Variants in PRKRA observed in about 807,000 individuals in gnomAD.
PRKRA encodes interferon-inducible double-stranded RNA-dependent protein kinase activator A.
Under a neutral mutation model 32.4 loss-of-function variants are expected in PRKRA, and 22 were observed. That is an observed-to-expected ratio of 0.68 (90% CI 0.49 to 0.97). The LOEUF (loss-of-function observed/expected upper bound fraction) is 0.97, where lower values mean the gene tolerates loss of function less well. Among genes scored for constraint, PRKRA ranks in the 50% least tolerant of loss-of-function variants. The pLI is 0.00. For synonymous variants in PRKRA, 139 were observed against 129.8 expected (o/e 1.07, Z -0.48); for missense variants, 319 against 375.6 (o/e 0.85, Z 1.25).
At chr2:178,438,033 C>T (rs1696971097) in intron 6 of PRKRA, among the ~76,000 whole-genome samples, 1 of 152,108 alleles carries the variant, frequency 6.6e-6, no homozygotes, top group African/African-American at 2.4e-5. Flanking sequence ...AAAGGTAGTA[C>T]TGAAAACAGT....
intron 5 of PRKRA, 80 bp from the exon 6 acceptor site, chr2:178,441,784 G>A: frequency 1.1e-6 from 1 of 913,260 alleles, no homozygotes; most frequent in Non-Finnish European, 1.6e-6. Flanking sequence ...GAAGTACTGT[G>A]TTTAATCAGA....
chr2:178,441,617 A>G lies in PRKRA; in HGVS notation c.602T>C (p.Ile201Thr). The G allele has an allele frequency of 6.3e-7, 1 of 1,593,082 alleles. No homozygotes were observed. Among genetic ancestry groups the G allele is most frequent in the South Asian group, 1.1e-5 (1 of 90,564 alleles). ...GCTGTCAACATTACTCACTAAAGAA[A>G]TGTGGTTCTCTGGAGAAATATTACT... Reference protein sequence around the residue: ...KFSNISPENHISLTNVVGHSL... With the variant: ...KFSNISPENHTSLTNVVGHSL... Residue 201 changes from isoleucine to threonine, a missense_variant, in exon 6 of 8, where the codon ATT (isoleucine) becomes ACT (threonine). Physicochemically the swap from Ile to Thr is moderately conservative, Grantham distance 89. Coordinates refer to ENST00000325748, the MANE Select transcript of PRKRA (RefSeq NM_003690.5).
At chr2:178,450,721 G>C (rs1179498408) in intron 1 of PRKRA, 22 of 1,377,648 alleles carry the variant, frequency 1.6e-5, no homozygotes, top group African/African-American at 3.0e-5. Flanking sequence ...ATCCCTTCCC[G>C]GGCGCGCCGA....
At chr2:178,435,847 T>C (rs1696870234) in intron 7 of PRKRA, among the ~76,000 whole-genome samples, 1 of 152,252 alleles carries the variant, frequency 6.6e-6, no homozygotes, top group Admixed American at 6.5e-5. Context: ...AGAGTTAGTC[T>C]GAGGATTCAG....
At chr2:178,435,358 G>A (rs916541075) in intron 7 of PRKRA, among the ~76,000 whole-genome samples, 2 of 142,454 alleles carry the variant, frequency 1.4e-5, no homozygotes, top group African/African-American at 5.3e-5. Context: ...ACTCCAGCCT[G>A]GGCAACAGAA....
chr2:178,450,958 A>C lies in PRKRA; in HGVS notation c.65+8T>G. The C allele has an allele frequency of 1.3e-6, 1 of 771,838 alleles. No individual in the cohort carries two copies. Among genetic ancestry groups the C allele is most frequent in the Non-Finnish European group, 1.8e-6 (1 of 554,206 alleles). 47.8% of individuals were successfully genotyped at this position (771,838 alleles called of 1,614,324 possible). On this transcript the variant is annotated splice_region_variant and intron_variant, in intron 1 of 7. Transcript: ENST00000325748. ...CGGCCCTGGGGCCCTGACTGCCCGC[A>C]CGCTGACCTGAAGGTCCCACTGTCC... is the stretch of plus-strand genomic sequence containing the variant.
At position 178,442,570 on chromosome 2, in the gene PRKRA, C is replaced by T. The variant is rs149760760; in HGVS notation, c.514+697G>A. 8.9e-4 allele frequency among the ~76,000 whole-genome samples: 136 copies of T among 152,304 alleles called. 1 individual carries two copies. The highest frequency in any genetic ancestry group is 1.1e-3 in the Non-Finnish European group (77 of 68,028). ...GCTTAACTTCGCGAATCAAGGACTG[C>T]ATCAAGGACGGAAGCTGAGGTTCCT... On this transcript the variant is annotated intron_variant, in intron 5 of 7. Transcript: ENST00000325748.
At chr2:178,435,914 T>G (rs1309190034) in intron 7 of PRKRA, among the ~76,000 whole-genome samples, 1 of 152,242 alleles carries the variant, frequency 6.6e-6, no homozygotes, top group Non-Finnish European at 1.5e-5. Flanking sequence ...ACTCTATCTT[T>G]GCTATTGTTG....
At chr2:178,443,455 T>A (rs1028277825) in intron 4 of PRKRA, 71 bp from the exon 5 acceptor site, 1 of 707,216 alleles carries the variant, frequency 1.4e-6, no homozygotes, top group Non-Finnish European at 2.2e-6. Context: ...TTTTCTTAAT[T>A]TTGATCCCAT....
At chr2:178,450,669 G>C in intron 1 of PRKRA, 4 of 1,425,778 alleles carry the variant, frequency 2.8e-6, no homozygotes, top group South Asian at 1.5e-5. Flanking sequence ...CAACAGAACA[G>C]GGCTGGCAGC....
In PRKRA at chr2:178,436,265, G is replaced by A. The variant is rs770225137; in HGVS notation, c.664C>T (p.Pro222Ser). 8 of 1,613,842 alleles carry A rather than the reference G, an allele frequency of 5.0e-6. No individual in the cohort carries two copies. Among genetic ancestry groups the A allele is most frequent in the Middle Eastern group, 1.7e-4 (1 of 6,058 alleles). The change falls in exon 7 of 8, where the codon CCT becomes TCT. Residue 222 changes from proline (P) to serine (S), a missense_variant. By Grantham distance (74) the Pro-to-Ser change is moderately conservative. Coordinates refer to ENST00000325748, the MANE Select transcript of PRKRA (RefSeq NM_003690.5). ...GCTWHSLRNS[P>S]GEKINLLKRS... ...TTCAGTAAGTTGATCTTTTCACCAG[G>A]AGAATTCCTCAAGGAATGCCAAGTA...
Position 178,431,999 on chromosome 2 carries a change from A to G in PRKRA, c.*98T>C. The G allele has an allele frequency of 1.5e-6, 2 of 1,362,962 alleles. No individual in the cohort carries two copies. Among genetic ancestry groups the G allele is most frequent in the Non-Finnish European group, 2.1e-6 (2 of 971,534 alleles). 84.4% of individuals were successfully genotyped at this position (1,362,962 alleles called of 1,614,324 possible). A position where few individuals can be genotyped will look rare whatever the true frequency, so the allele number is the denominator to read the frequency against. ...TGATGGAATCTATGAAGAGATTTAG[A>G]AACAAGACATAAACACTACGGTAAA... On this transcript the variant is annotated 3_prime_UTR_variant, in exon 8 of 8. Coordinates refer to ENST00000325748, the MANE Select transcript of PRKRA (RefSeq NM_003690.5).
intron 5 of PRKRA, 135 bp downstream of exon 5, chr2:178,443,132 A>G: frequency 1.5e-6 from 1 of 662,544 alleles, no homozygotes; most frequent in South Asian, 1.7e-5. Context: ...TCAACCTCAG[A>G]AAGTCAGAGA....
At position 178,450,249 on chromosome 2, in the gene PRKRA, G is replaced by C. The variant is rs1330671574; in HGVS notation, c.228C>G (p.Thr76=). 5 of 1,614,260 alleles carry C rather than the reference G, an allele frequency of 3.1e-6. No individual in the cohort carries two copies. The highest frequency in any genetic ancestry group is 4.2e-6 in the Non-Finnish European group (5 of 1,180,042). ...FTFRVTVGDI[T]CTGEGTSKKL... ...TTAACTGTGTATACAGACCTGTGCA[G>C]GTTATGTCACCAACGGTTACTCTGA... is the stretch of plus-strand genomic sequence containing the variant. The change falls in exon 2 of 8, where the codon ACC becomes ACG. Residue 76 remains threonine (T), a synonymous_variant. Coordinates refer to ENST00000325748, the MANE Select transcript of PRKRA (RefSeq NM_003690.5).
At chr2:178,438,529 G>A (rs1321067118) in intron 6 of PRKRA, among the ~76,000 whole-genome samples, 2 of 152,140 alleles carry the variant, frequency 1.3e-5, no homozygotes, top group African/African-American at 4.8e-5. Flanking sequence ...TGTCTGACAA[G>A]TTCAGTTTTA....
chr2:178,448,750 T>C (rs73036309), intron 2 of PRKRA, among the ~76,000 whole-genome samples: 8,340 of 152,176 alleles, frequency 0.055, 705 homozygotes, highest in African/African-American at 0.18. Flanking sequence ...ACAGATTCAA[T>C]GGATAGTTAG....
chr2:178,446,372 G>T (rs1347165702), intron 3 of PRKRA, among the ~76,000 whole-genome samples: 2 of 152,338 alleles, frequency 1.3e-5, no homozygotes, highest in East Asian at 3.9e-4. Flanking sequence ...CTTGTGAAAT[G>T]CAAGGCTTGT....
intron 3 of PRKRA, among the ~76,000 whole-genome samples, chr2:178,445,224 A>C (rs976698483): frequency 6.6e-5 from 10 of 152,210 alleles, no homozygotes; most frequent in Non-Finnish European, 1.0e-4. Context: ...TCTTCTAGGG[A>C]GTCTGGAATT....
intron 7 of PRKRA, among the ~76,000 whole-genome samples, chr2:178,433,093 G>C (rs923212795): frequency 6.6e-6 from 1 of 152,198 alleles, no homozygotes; most frequent in African/African-American, 2.4e-5. Flanking sequence ...ATTATTTAAT[G>C]AGTAAAGAGG....
Sources: allele counts gnomAD v4.1 joint callset (sites outside exome capture counted in the v4.1 genomes callset), GRCh38; gene constraint gnomAD v4.1.1; transcripts MANE v1.5; gene names NCBI Gene and HGNC (gene_info 2026-07-23, HGNC 2026-07-21).